The following NFAT5 variants were observed in gnomAD, a reference collection of about 807,000 sequenced individuals.
NFAT5 encodes the protein nuclear factor of activated T-cells 5.
In NFAT5, 31 loss-of-function variants were observed where a neutral mutation model predicts 166.5. The ratio of observed to expected loss-of-function variants is 0.19; its 90% CI spans 0.14 to 0.25. The LOEUF is 0.25. Ranked by LOEUF, NFAT5 falls within the 10% of genes least tolerant of loss-of-function variation. The pLI is 1.00. For missense variants in NFAT5, 1,449 were observed against 1,821.8 expected, an observed-to-expected ratio of 0.80 and a Z score of 3.72; for synonymous variants, 612 against 639.7, an observed-to-expected ratio of 0.96 and a Z score of 0.65.
chr16:69,681,649 G>A (rs1432802634), intron 10 of NFAT5, among the ~76,000 whole-genome samples: 1 of 152,162 alleles, frequency 6.6e-6, no homozygotes, highest in Non-Finnish European at 1.5e-5. Context: ...CGGGCACGGT[G>A]GCTCACGCCT....
chr16:69,698,138 T>G lies in NFAT5; in HGVS notation c.*1787T>G, dbSNP rs1408519176. 1 of 151,940 alleles carries G rather than the reference T, an allele frequency of 6.6e-6. No individual in the cohort carries two copies. The highest frequency in any genetic ancestry group is 1.5e-5 in the Non-Finnish European group (1 of 68,004). The allele number at this position is 151,940 out of a possible 1,614,324, so 9.4% of individuals were successfully genotyped here. On this transcript the variant is annotated 3_prime_UTR_variant, in exon 15 of 15. Transcript: ENST00000349945. The stretch of plus-strand genomic sequence containing the variant: ...ACCTCCACCCCTTTCTTTCTTTCTC[T>G]CTCTGATTGAGAGGCATTGAATTAC...
intron 7 of NFAT5, among the ~76,000 whole-genome samples, chr16:69,667,096 C>G (rs1394330447): frequency 6.8e-6 from 1 of 147,484 alleles, no homozygotes; most frequent in Non-Finnish European, 1.5e-5. Context: ...ACTGCATATT[C>G]TCACTCATAG....
At chr16:69,594,710 TTAA>T (rs2032686315) in intron 2 of NFAT5, among the ~76,000 whole-genome samples, 3 of 152,148 alleles carry the variant, frequency 2.0e-5, no homozygotes, top group African/African-American at 7.2e-5. Flanking sequence ...CAGTAGGAGA[TTAA>T]TAATAATAAC....
chr16:69,699,248 G>A lies in NFAT5; in HGVS notation c.*2897G>A, dbSNP rs2037852728. On this transcript the variant is annotated 3_prime_UTR_variant, in exon 15 of 15. Transcript: ENST00000349945. Reference sequence around the variant, plus strand: ...ACTGGCTTGTGTGCTGACTTCTGTGGTTTAGCAAGAGGTTTATTGTTATCA... The same window carrying A: ...ACTGGCTTGTGTGCTGACTTCTGTGATTTAGCAAGAGGTTTATTGTTATCA... 1 of 153,052 alleles carries A rather than the reference G, an allele frequency of 6.5e-6. No homozygotes were observed. The highest frequency in any genetic ancestry group is 1.5e-5 in the Non-Finnish European group (1 of 68,022). The allele number at this position is 153,052 out of a possible 1,614,324, so 9.5% of individuals were successfully genotyped here.
chr16:69,684,800 G>T, intron 10 of NFAT5, 87 bp from the exon 11 acceptor site: 1 of 810,646 alleles, frequency 1.2e-6, no homozygotes, highest in South Asian at 2.0e-5. Flanking sequence ...GATACTTTGT[G>T]ACAAGATATT....
intron 2 of NFAT5, among the ~76,000 whole-genome samples, chr16:69,605,746 G>A (rs1010411811): frequency 2.0e-5 from 3 of 149,782 alleles, no homozygotes; most frequent in Non-Finnish European, 3.0e-5. Flanking sequence ...TCGTTCTGTC[G>A]CCCAGGCAGG....
chr16:69,610,493 C>T (rs537006115), intron 2 of NFAT5, among the ~76,000 whole-genome samples: 1 of 152,228 alleles, frequency 6.6e-6, no homozygotes, highest in East Asian at 1.9e-4. Context: ...TATTGAAATG[C>T]CCATTATGTG....
intron 10 of NFAT5, among the ~76,000 whole-genome samples, chr16:69,682,688 C>T (rs1393031836): frequency 1.3e-5 from 2 of 151,910 alleles, no homozygotes; most frequent in African/African-American, 4.8e-5. Context: ...AAATTTTTTT[C>T]AAGGATTAGC....
chr16:69,665,094 T>C (rs2036312108), intron 7 of NFAT5, among the ~76,000 whole-genome samples: 1 of 152,196 alleles, frequency 6.6e-6, no homozygotes, highest in Non-Finnish European at 1.5e-5. Flanking sequence ...ATCTTGACTT[T>C]AGTTGTGTTT....
intron 3 of NFAT5, among the ~76,000 whole-genome samples, chr16:69,637,677 A>G (rs1245189655): frequency 6.6e-6 from 1 of 152,176 alleles, no homozygotes; most frequent in Non-Finnish European, 1.5e-5. Flanking sequence ...TGACTCAAAT[A>G]CCACCTCCTG....
At chr16:69,608,355 G>A (rs1028655575) in intron 2 of NFAT5, among the ~76,000 whole-genome samples, 9 of 152,012 alleles carry the variant, frequency 5.9e-5, no homozygotes, top group East Asian at 3.9e-4. Context: ...GATCTCCAGC[G>A]TTCTCTCTGA....
chr16:69,671,426 A>G (rs2036616452), intron 9 of NFAT5, among the ~76,000 whole-genome samples: 1 of 152,228 alleles, frequency 6.6e-6, no homozygotes, highest in Non-Finnish European at 1.5e-5. Context: ...GCTGGCATAC[A>G]GTGGCGCGAT....
At chr16:69,624,113 A>AT (rs1220392984) in intron 2 of NFAT5, among the ~76,000 whole-genome samples, 1 of 152,192 alleles carries the variant, frequency 6.6e-6, no homozygotes, top group East Asian at 1.9e-4. Flanking sequence ...GGCATATTAT[A>AT]TTCTGACAGA....
intron 2 of NFAT5, among the ~76,000 whole-genome samples, chr16:69,587,144 G>A (rs1003082084): frequency 4.6e-5 from 7 of 151,870 alleles, no homozygotes; most frequent in East Asian, 3.9e-4. Flanking sequence ...GTGCAGTGGC[G>A]CGATCTCGGC....
chr16:69,676,977 A>C (rs2036856440), intron 9 of NFAT5: 1 of 429,664 alleles, frequency 2.3e-6, no homozygotes, highest in African/African-American at 2.1e-5. Flanking sequence ...TGAAGTTGAC[A>C]GGGCAGGGAT....
At chr16:69,578,943 C>T (rs984691161) in intron 2 of NFAT5, among the ~76,000 whole-genome samples, 9 of 150,942 alleles carry the variant, frequency 6.0e-5, no homozygotes, top group African/African-American at 9.7e-5. Context: ...GGCGTAATCT[C>T]GGCTCACTGC....
chr16:69,616,852 A>G (rs947045418), intron 2 of NFAT5, among the ~76,000 whole-genome samples: 4 of 149,774 alleles, frequency 2.7e-5, no homozygotes, highest in African/African-American at 9.9e-5. Flanking sequence ...CCTATTCTCT[A>G]TAGGTATCCT....
intron 4 of NFAT5, chr16:69,648,636 T>C: frequency 6.2e-6 from 6 of 974,466 alleles, no homozygotes; most frequent in Non-Finnish European, 7.3e-6. Flanking sequence ...TGACTTTTAA[T>C]TCCTTTAGTA....
intron 2 of NFAT5, among the ~76,000 whole-genome samples, chr16:69,624,003 G>A (rs1396618761): frequency 1.3e-5 from 2 of 151,798 alleles, no homozygotes; most frequent in Non-Finnish European, 1.5e-5. Flanking sequence ...CACCCGCCTC[G>A]GCTTCCCAAA....
Sources: allele counts gnomAD v4.1 joint callset (sites outside exome capture counted in the v4.1 genomes callset), GRCh38; gene constraint gnomAD v4.1.1; transcripts MANE v1.5; gene names NCBI Gene and HGNC (gene_info 2026-07-23, HGNC 2026-07-21).